FABP6: variants seen among roughly 807,000 people sequenced by gnomAD.
FABP6 encodes the protein fatty acid binding protein 6.
Under a neutral mutation model 14.9 loss-of-function variants are expected in FABP6, and 13 were observed. That is an observed-to-expected ratio of 0.87 (90% CI 0.57 to 1.39). FABP6 has a LOEUF of 1.39. Among genes scored for constraint, FABP6 ranks in the 40% most tolerant of loss-of-function variants. The pLI, the probability that FABP6 is intolerant of heterozygous loss-of-function variation, is 0.00. For synonymous variants in FABP6, 75 were observed against 63.6 expected, an observed-to-expected ratio of 1.18 and a Z score of -0.85; for missense variants, 161 against 167.2, an observed-to-expected ratio of 0.96 and a Z score of 0.20.
intron 2 of FABP6, among the ~76,000 whole-genome samples, chr5:160,205,264 G>A (rs1436864582): frequency 1.5e-5 from 2 of 135,828 alleles, no homozygotes; most frequent in African/African-American, 5.5e-5. Flanking sequence ...GTTGCAGTGA[G>A]CCGAGATCGC....
chr5:160,221,363 G>T (rs1296096233), intron 3 of FABP6, among the ~76,000 whole-genome samples: 1 of 152,112 alleles, frequency 6.6e-6, no homozygotes, highest in South Asian at 2.1e-4. Context: ...GGAGGCGGGG[G>T]TGAAGGACAA....
chr5:160,215,288 C>A (rs1004747763), intron 3 of FABP6, among the ~76,000 whole-genome samples: 2 of 151,950 alleles, frequency 1.3e-5, no homozygotes, highest in Non-Finnish European at 2.9e-5. Context: ...ACAAGGTGGG[C>A]GGATCACCTG....
At chr5:160,228,804 C>G, upstream of FABP6, 1 of 286,682 alleles carries the variant, frequency 3.5e-6, no homozygotes, top group South Asian at 3.5e-5. Context: ...CTCATTGTTT[C>G]CTTTCATCAT....
chr5:160,190,221 C>T (rs1478287493), intron 1 of FABP6, among the ~76,000 whole-genome samples: 4 of 152,076 alleles, frequency 2.6e-5, no homozygotes, highest in African/African-American at 7.2e-5. Flanking sequence ...CAACTGTCAT[C>T]GTGTCGTAGC....
chr5:160,235,126 G>C (rs1212199276), intron 3 of FABP6, among the ~76,000 whole-genome samples: 1 of 152,180 alleles, frequency 6.6e-6, no homozygotes, highest in Non-Finnish European at 1.5e-5. Context: ...TGAAGCACAG[G>C]GATAAGTGAG....
At chr5:160,213,875 T>TGAGGAACTAGAACC in intron 3 of FABP6, 1 of 1,396,974 alleles carries the variant, frequency 7.2e-7, no homozygotes, top group Non-Finnish European at 1.0e-6. Context: ...ATTCTGGTTC[T>TGAGGAACTAGAACC]AGTTCCTCAT....
At chr5:160,217,759 C>G (rs998042390) in intron 3 of FABP6, among the ~76,000 whole-genome samples, 1 of 152,160 alleles carries the variant, frequency 6.6e-6, no homozygotes, top group Non-Finnish European at 1.5e-5. Context: ...ACCTCAGTCT[C>G]CTGACTAGCT....
intron 1 of FABP6, among the ~76,000 whole-genome samples, chr5:160,189,485 C>A (rs1759354543): frequency 6.6e-6 from 1 of 152,148 alleles, no homozygotes; most frequent in Non-Finnish European, 1.5e-5. Context: ...TCAGGTGATC[C>A]ACCCACCTCA....
At chr5:160,238,222 C>A (rs1760558618) in intron 3 of FABP6, among the ~76,000 whole-genome samples, 1 of 152,238 alleles carries the variant, frequency 6.6e-6, no homozygotes, top group Admixed American at 6.5e-5. Context: ...ATGGTGCAGC[C>A]ATGGCGTGTG....
intron 1 of FABP6, among the ~76,000 whole-genome samples, chr5:160,194,248 A>AAG (rs1759464914): frequency 6.6e-6 from 1 of 152,152 alleles, no homozygotes; most frequent in Non-Finnish European, 1.5e-5. Flanking sequence ...CAAGCGCCGC[A>AAG]CGCATCCGCA....
At chr5:160,231,440 C>T (rs566041983) in intron 1 of FABP6, among the ~76,000 whole-genome samples, 27 of 152,344 alleles carry the variant, frequency 1.8e-4, no homozygotes, top group Non-Finnish European at 3.4e-4. Context: ...GTAGCCCAGG[C>T]GGAACTGCAG....
intron 2 of FABP6, among the ~76,000 whole-genome samples, chr5:160,233,287 C>CT (rs1394009347): frequency 1.3e-5 from 2 of 151,958 alleles, no homozygotes; most frequent in South Asian, 2.1e-4. Context: ...GCCATAAGTG[C>CT]TTTTTTTATG....
chr5:160,207,869 G>A (rs528222147), intron 2 of FABP6, among the ~76,000 whole-genome samples: 25 of 152,032 alleles, frequency 1.6e-4, no homozygotes, highest in African/African-American at 3.6e-4. Flanking sequence ...GATTACAGGT[G>A]CCTGCCACCA....
intron 2 of FABP6, among the ~76,000 whole-genome samples, chr5:160,205,721 A>G (rs894033702): frequency 1.3e-5 from 2 of 152,142 alleles, no homozygotes; most frequent in Admixed American, 6.5e-5. Context: ...AGAAGTGAAG[A>G]CTCATTTACC....
At chr5:160,188,208 C>T (rs990669982) in intron 1 of FABP6, among the ~76,000 whole-genome samples, 19 of 152,124 alleles carry the variant, frequency 1.2e-4, no homozygotes, top group African/African-American at 4.6e-4. Context: ...TAGCTGGAGC[C>T]AAGCACCCCA....
intron 2 of FABP6, among the ~76,000 whole-genome samples, chr5:160,211,553 C>G (rs952561037): frequency 2.6e-5 from 4 of 152,252 alleles, no homozygotes; most frequent in Admixed American, 2.6e-4. Flanking sequence ...CTGTAACTGT[C>G]CAAGCTGGGA....
intron 2 of FABP6, among the ~76,000 whole-genome samples, chr5:160,211,713 T>C (rs1759894427): frequency 6.6e-6 from 1 of 152,224 alleles, no homozygotes; most frequent in Admixed American, 6.5e-5. Context: ...TCATCCTTTC[T>C]ATGAGTTACT....
At position 160,211,340 on chromosome 5, in the gene FABP6, T is replaced by C. The variant is rs1430048974; in HGVS notation, c.52-2396T>C. On this transcript the variant is annotated intron_variant, in intron 2 of 6. Transcript: ENST00000393980. ...GAATACATGTCCTCGGCTGAGCCCA[T>C]TGGGCTTTCTCTCCTGGTATTTTTT... Among the ~76,000 whole-genome samples, 4 of 152,176 alleles carry C rather than the reference T, an allele frequency of 2.6e-5. No individual in the cohort carries two copies. In the South Asian group the frequency reaches 6.2e-4, roughly 24 times the overall value.
In FABP6 at chr5:160,200,194, G is replaced by A. The variant is rs554870193; in HGVS notation, c.51+1037G>A. Among the ~76,000 whole-genome samples the A allele has an allele frequency of 3.3e-5, 5 of 152,288 alleles. No individual in the cohort carries two copies. In the South Asian group the frequency reaches 1.0e-3, roughly 32 times the overall value. On this transcript the variant is annotated intron_variant, in intron 2 of 6. Transcript: ENST00000393980. Reference sequence around the variant, plus strand: ...GAAGTGGCAGCCTCTTAGGATTATGGGAGAACACACATGCAACATGCTTAG... The same window carrying A: ...GAAGTGGCAGCCTCTTAGGATTATGAGAGAACACACATGCAACATGCTTAG...
Sources: gnomAD v4.1 joint callset for allele counts (sites outside exome capture counted in the v4.1 genomes callset) on GRCh38, gnomAD v4.1.1 for gene constraint, MANE v1.5 for transcripts, NCBI Gene and HGNC (gene_info 2026-07-23, HGNC 2026-07-21) for gene names.